OSBPL1A: variants seen among roughly 807,000 people sequenced by gnomAD.
OSBPL1A encodes oxysterol binding protein like 1A, also known as oxysterol-binding protein-related protein 1.
In OSBPL1A, 80 loss-of-function variants were observed where a neutral mutation model predicts 137.1. That is an observed-to-expected ratio of 0.58 (90% CI 0.49 to 0.70). The LOEUF (loss-of-function observed/expected upper bound fraction) is 0.70, where lower values mean the gene tolerates loss of function less well. Ranked by LOEUF, OSBPL1A falls within the 30% of genes least tolerant of loss-of-function variation. The probability of loss-of-function intolerance (pLI) is 0.00; values close to 1 mark genes in which losing one functional copy is unlikely to be tolerated. For missense variants in OSBPL1A, 970 were observed against 1,129.4 expected (o/e 0.86, Z 2.02); for synonymous variants, 365 against 389.7 (o/e 0.94, Z 0.75).
rs747604354 is a variant in OSBPL1A at position 24,314,366 on chromosome 18, A to T, written c.871-19T>A. ...ATTTTACCTTGGATATAAAGAAGTC[A>T]GTAAGACAACATTCATTCACATAAA... On this transcript the variant is annotated intron_variant, in intron 11 of 27. Coordinates refer to ENST00000319481, the MANE Select transcript of OSBPL1A (RefSeq NM_080597.4). 4 of 1,531,556 alleles carry T rather than the reference A, an allele frequency of 2.6e-6. No individual in the cohort carries two copies. The highest frequency in any genetic ancestry group is 1.8e-6 in the Non-Finnish European group (2 of 1,121,076). 94.9% of individuals were successfully genotyped at this position (1,531,556 alleles called of 1,614,324 possible).
chr18:24,250,035 A>G (rs77313779), intron 15 of OSBPL1A, among the ~76,000 whole-genome samples: 3,933 of 152,268 alleles, frequency 0.026, 167 homozygotes, highest in African/African-American at 0.09. Flanking sequence ...GGCGAAGAGT[A>G]GAGAGGACTT....
At chr18:24,258,397 C>T (rs545673881) in intron 15 of OSBPL1A, among the ~76,000 whole-genome samples, 1 of 152,134 alleles carries the variant, frequency 6.6e-6, no homozygotes, top group Non-Finnish European at 1.5e-5. Flanking sequence ...CATGTTCTCA[C>T]TTATTTGTGG....
intron 17 of OSBPL1A, among the ~76,000 whole-genome samples, chr18:24,223,156 A>G (rs1261575487): frequency 6.6e-6 from 1 of 152,110 alleles, no homozygotes; most frequent in Admixed American, 6.5e-5. Context: ...TCTTGATATC[A>G]ATATAAAAAC....
At chr18:24,194,364 T>C (rs1030313000) in intron 18 of OSBPL1A, among the ~76,000 whole-genome samples, 4 of 152,254 alleles carry the variant, frequency 2.6e-5, no homozygotes, top group Non-Finnish European at 5.9e-5. Context: ...TTTGTAGTAA[T>C]GATGAGCATT....
chr18:24,279,004 T>A (rs932923684), intron 15 of OSBPL1A, among the ~76,000 whole-genome samples: 1 of 152,178 alleles, frequency 6.6e-6, no homozygotes, highest in Admixed American at 6.5e-5. Context: ...TTAATATAAT[T>A]CTATTAAAAG....
At position 24,358,364 on chromosome 18, in the gene OSBPL1A, G is replaced by A. The variant is rs2091570567; in HGVS notation, c.282+8528C>T. On this transcript the variant is annotated intron_variant, in intron 4 of 27. Coordinates refer to ENST00000319481, the MANE Select transcript of OSBPL1A (RefSeq NM_080597.4). ...TGCAAAGCTTCGCACACAGCAGAAA[G>A]GCTGAGGCATCGCTTGAGCCGGCAG... 6 of 661,970 alleles carry A rather than the reference G, an allele frequency of 9.1e-6. No individual in the cohort carries two copies. The South Asian group carries it at 1.0e-4, about 11-fold the overall frequency. 41.0% of individuals were successfully genotyped at this position (661,970 alleles called of 1,614,324 possible).
chr18:24,379,120 G>A (rs760625826), intron 1 of OSBPL1A, among the ~76,000 whole-genome samples: 1 of 151,870 alleles, frequency 6.6e-6, no homozygotes, highest in African/African-American at 2.4e-5. Context: ...TTGAGAAAAA[G>A]AACTTTGGAA....
At chr18:24,228,550 C>A (rs1037533439) in intron 16 of OSBPL1A, among the ~76,000 whole-genome samples, 3 of 152,132 alleles carry the variant, frequency 2.0e-5, no homozygotes, top group Non-Finnish European at 2.9e-5. Flanking sequence ...CTGGTCCCTG[C>A]GCATGGCCCA....
chr18:24,324,804 G>A (rs74382383), intron 7 of OSBPL1A, among the ~76,000 whole-genome samples: 6 of 108,268 alleles, frequency 5.5e-5, no homozygotes, highest in South Asian at 2.9e-4. Context: ...AAAAAAAAAA[G>A]AGGCCAGGTG....
intron 15 of OSBPL1A, among the ~76,000 whole-genome samples, chr18:24,275,917 C>T (rs909963841): frequency 1.6e-4 from 25 of 151,832 alleles, no homozygotes; most frequent in Non-Finnish European, 7.4e-5. Context: ...TTAGTAGAGA[C>T]GAGGTTTCAC....
At chr18:24,242,263 C>CAT (rs776800918) in intron 15 of OSBPL1A, among the ~76,000 whole-genome samples, 1 of 149,606 alleles carries the variant, frequency 6.7e-6, no homozygotes, top group Non-Finnish European at 1.5e-5. Flanking sequence ...GCATGTTCTG[C>CAT]ATATATATCC....
At chr18:24,359,232 G>C (rs9967500) in intron 4 of OSBPL1A, among the ~76,000 whole-genome samples, 1,530 of 151,956 alleles carry the variant, frequency 0.01, 18 homozygotes, top group African/African-American at 0.029. Context: ...GAAAGAGACA[G>C]AGACAGAGAG....
At chr18:24,244,080 G>C (rs2088806004) in intron 15 of OSBPL1A, among the ~76,000 whole-genome samples, 2 of 152,030 alleles carry the variant, frequency 1.3e-5, no homozygotes, top group Non-Finnish European at 2.9e-5. Context: ...TGCTAAAAAA[G>C]ATATGCAAAG....
At chr18:24,183,648 C>T (rs1316855535) in intron 18 of OSBPL1A, among the ~76,000 whole-genome samples, 2 of 151,850 alleles carry the variant, frequency 1.3e-5, no homozygotes, top group Non-Finnish European at 2.9e-5. Context: ...GTTGGCCAGG[C>T]TGGTCTTGAA....
rs564518024 is a variant in OSBPL1A at position 24,207,038 on chromosome 18, G to A, written c.1602-10838C>T. Among the ~76,000 whole-genome samples, 8 of 152,254 alleles carry A rather than the reference G, an allele frequency of 5.3e-5. No individual in the cohort carries two copies. In the South Asian group the frequency reaches 1.7e-3, roughly 32 times the overall value. ...TGTCTCAAGTTACGATGGAGCCAAA[G>A]AAAGAAAAACGGTGAAAAAATGATA... On this transcript the variant is annotated intron_variant, in intron 17 of 27. Coordinates refer to ENST00000319481, the MANE Select transcript of OSBPL1A (RefSeq NM_080597.4).
chr18:24,166,134 G>C (rs966564953), intron 26 of OSBPL1A, among the ~76,000 whole-genome samples: 1 of 152,048 alleles, frequency 6.6e-6, no homozygotes, highest in Non-Finnish European at 1.5e-5. Flanking sequence ...CATTTACCCT[G>C]ATGTGATTAT....
chr18:24,275,029 C>G (rs539246992), intron 15 of OSBPL1A, among the ~76,000 whole-genome samples: 1 of 152,162 alleles, frequency 6.6e-6, no homozygotes, highest in Non-Finnish European at 1.5e-5. Context: ...TAGTCACATG[C>G]CAGGCCCTTC....
chr18:24,355,747 G>A (rs1272081047), intron 4 of OSBPL1A, among the ~76,000 whole-genome samples: 1 of 152,040 alleles, frequency 6.6e-6, no homozygotes, highest in Non-Finnish European at 1.5e-5. Context: ...CACTTTGGAA[G>A]GCCAAGGCAG....
At chr18:24,172,514 A>G (rs2086314493) in intron 21 of OSBPL1A, 31 bp from the exon 22 acceptor site, 1 of 1,467,466 alleles carries the variant, frequency 6.8e-7, no homozygotes, top group African/African-American at 1.4e-5. Flanking sequence ...CAGAAGCATA[A>G]GTGAGAGGTA....
Sources: gnomAD v4.1 joint callset for allele counts (sites outside exome capture counted in the v4.1 genomes callset) on GRCh38, gnomAD v4.1.1 for gene constraint, MANE v1.5 for transcripts, NCBI Gene and HGNC (gene_info 2026-07-23, HGNC 2026-07-21) for gene names.